BMP2K: variants seen among roughly 807,000 people sequenced by gnomAD.
BMP2K encodes BMP-2-inducible protein kinase.
In BMP2K, 74 loss-of-function variants were observed where a neutral mutation model predicts 116.0. That is an observed-to-expected ratio of 0.64 (90% confidence interval 0.53 to 0.77). The LOEUF is 0.77. Ranked by LOEUF, BMP2K falls within the 30% of genes least tolerant of loss-of-function variation. BMP2K has a pLI of 0.00. For synonymous variants in BMP2K, 486 were observed against 502.5 expected (o/e 0.97, Z 0.44); for missense variants, 1,365 against 1,403.6 (o/e 0.97, Z 0.44).
chr4:78,900,794 A>T (rs1733956201), intron 15 of BMP2K, among the ~76,000 whole-genome samples: 2 of 152,238 alleles, frequency 1.3e-5, no homozygotes, highest in Admixed American at 1.3e-4. Flanking sequence ...AGTTAAATTT[A>T]TAATGATCCA....
In BMP2K at chr4:78,911,542, G is replaced by T; in HGVS notation, c.2995G>T (p.Gly999Cys). Reference sequence around the variant, plus strand: ...CAAAAGTAATGGGAAGCGGCATCATGGCACGCCAACTAGCACAAAGAAGAC... The same window carrying T: ...CAAAAGTAATGGGAAGCGGCATCATTGCACGCCAACTAGCACAAAGAAGAC... ...MSKSNGKRHH[G>C]TPTSTKKTLK... The change falls in exon 16 of 16, where the codon GGC becomes TGC. Residue 999 changes from glycine to cysteine, a missense_variant. By Grantham distance (159) the Gly-to-Cys change is radical. Transcript: ENST00000502613. 6.2e-7 allele frequency: 1 copy of T among 1,614,032 alleles called. No homozygotes were observed. The highest frequency in any genetic ancestry group is 8.5e-7 in the Non-Finnish European group (1 of 1,179,892).
In BMP2K at chr4:78,914,717, C is replaced by G. The variant is rs1734896462; in HGVS notation, c.*2684C>G. ...AGGTTATTATATATGTACCACTAAG[C>G]AAATATATATATATATATATATTTG... On this transcript the variant is annotated 3_prime_UTR_variant, in exon 16 of 16. Transcript: ENST00000502613. 6.8e-6 allele frequency: 1 copy of G among 148,078 alleles called. No homozygotes were observed. Among genetic ancestry groups the G allele is most frequent in the Non-Finnish European group, 1.5e-5 (1 of 67,114 alleles). 9.2% of individuals were successfully genotyped at this position (148,078 alleles called of 1,614,324 possible).
intron 1 of BMP2K, among the ~76,000 whole-genome samples, chr4:78,779,523 T>G (rs1366836240): frequency 3.3e-5 from 5 of 152,226 alleles, no homozygotes; most frequent in Non-Finnish European, 7.3e-5. Flanking sequence ...AAGCTGAAAC[T>G]AGAATGTGCA....
chr4:78,871,006 GCAGCAC>G lies in BMP2K; in HGVS notation c.1458_1463del (p.Gln486_His487del). The G allele has an allele frequency of 6.4e-7, 1 of 1,573,468 alleles. No individual in the cohort carries two copies. ...AACAGCAGCAGCAGCAGCAGCAGCA[GCAGCAC>G]CACCACCACCACCACCACCACCTAC... On this transcript the variant is annotated inframe_deletion, in exon 11 of 16. Coordinates refer to ENST00000502613, the MANE Select transcript of BMP2K (RefSeq NM_198892.2).
At chr4:78,783,312 T>C (rs1727594307) in intron 1 of BMP2K, among the ~76,000 whole-genome samples, 1 of 152,188 alleles carries the variant, frequency 6.6e-6, no homozygotes, top group Non-Finnish European at 1.5e-5. Flanking sequence ...TATTAACAAA[T>C]GGTTCTTTTT....
At position 78,865,619 on chromosome 4, in the gene BMP2K, A is replaced by C. The variant is rs774543518; in HGVS notation, c.1130A>C (p.Asn377Thr). 6.2e-7 allele frequency: 1 copy of C among 1,614,128 alleles called. No homozygotes were observed. The highest frequency in any genetic ancestry group is 1.7e-5 in the Admixed American group (1 of 60,018). The change falls in exon 10 of 16, where the codon AAC becomes ACC. Residue 377 changes from asparagine to threonine, a missense_variant. Physicochemically the swap from Asn to Thr is moderately conservative, Grantham distance 65. Coordinates refer to ENST00000502613, the MANE Select transcript of BMP2K (RefSeq NM_198892.2). ...SIAPRQRPKANSATTATPSVL... is the reference protein window; with the variant it reads ...SIAPRQRPKATSATTATPSVL... ...GCACCAAGACAAAGACCAAAGGCCA[A>C]CTCTGCTACTACTGCCACTCCCAGT...
intron 15 of BMP2K, among the ~76,000 whole-genome samples, chr4:78,909,271 C>T (rs1734450085): frequency 6.6e-6 from 1 of 151,848 alleles, no homozygotes; most frequent in Non-Finnish European, 1.5e-5. Flanking sequence ...CTCCTGACCT[C>T]GTGATCCACC....
At chr4:78,830,016 A>G (rs1730132415) in intron 2 of BMP2K, among the ~76,000 whole-genome samples, 1 of 151,928 alleles carries the variant, frequency 6.6e-6, no homozygotes, top group Admixed American at 6.6e-5. Flanking sequence ...CTGGGACTAT[A>G]GGCAGGTGCC....
At chr4:78,883,077 C>G (rs1299805976) in intron 14 of BMP2K, among the ~76,000 whole-genome samples, 2 of 152,110 alleles carry the variant, frequency 1.3e-5, no homozygotes, top group East Asian at 3.9e-4. Context: ...TACTTTGATT[C>G]TAGGATTTTA....
intron 1 of BMP2K, among the ~76,000 whole-genome samples, chr4:78,779,355 G>T (rs1727394541): frequency 6.6e-6 from 1 of 152,146 alleles, no homozygotes; most frequent in Non-Finnish European, 1.5e-5. Flanking sequence ...TCTCACACTT[G>T]TATTTTCTCT....
intron 1 of BMP2K, among the ~76,000 whole-genome samples, chr4:78,806,680 T>C (rs1476806775): frequency 6.6e-6 from 1 of 152,176 alleles, no homozygotes. Context: ...AAGACATCCT[T>C]GTTCCTGATC....
intron 1 of BMP2K, among the ~76,000 whole-genome samples, chr4:78,789,666 A>T (rs1227199148): frequency 6.6e-6 from 1 of 152,222 alleles, no homozygotes; most frequent in African/African-American, 2.4e-5. Flanking sequence ...TTGAGCTAAG[A>T]TGTCACGATT....
intron 12 of BMP2K, chr4:78,872,208 C>A (rs1732391778): frequency 3.1e-6 from 1 of 319,188 alleles, no homozygotes; most frequent in Non-Finnish European, 5.7e-6. Flanking sequence ...TACCTATAGT[C>A]TTTCGTCACA....
At chr4:78,850,878 T>A in intron 6 of BMP2K, 46 bp from the exon 7 acceptor site, 1 of 1,592,672 alleles carries the variant, frequency 6.3e-7, no homozygotes, top group Non-Finnish European at 8.5e-7. Context: ...TTTTTGTGTC[T>A]TGTTAACTTG....
Position 78,830,743 on chromosome 4 carries a change from A to G in BMP2K, c.298-2839A>G, listed in dbSNP as rs10011360. 2.9e-3 allele frequency among the ~76,000 whole-genome samples: 443 copies of G among 152,350 alleles called. 4 individuals carry two copies. The highest frequency in any genetic ancestry group is 0.011 in the South Asian group (55 of 4,832). On this transcript the variant is annotated intron_variant, in intron 2 of 15. Transcript: ENST00000502613. ...AACCAACCTCTGCTAGCTTCAAACT[A>G]TTCTACTGCAGCTTTCCTCACTTCT... is the stretch of plus-strand genomic sequence containing the variant.
intron 3 of BMP2K, among the ~76,000 whole-genome samples, chr4:78,840,544 C>T (rs28551149): frequency 0.019 from 2,890 of 152,046 alleles, 84 homozygotes; most frequent in African/African-American, 0.062. Flanking sequence ...TTGCAACCGA[C>T]GTTTAAAGGT....
intron 7 of BMP2K, among the ~76,000 whole-genome samples, chr4:78,858,783 G>GAATT (rs1396016171): frequency 5.7e-5 from 6 of 105,270 alleles, no homozygotes; most frequent in African/African-American, 5.2e-4. Flanking sequence ...TAACAACTTA[G>GAATT]AGTTAATGAA....
At chr4:78,822,252 T>C (rs1423377109) in intron 1 of BMP2K, among the ~76,000 whole-genome samples, 1 of 152,220 alleles carries the variant, frequency 6.6e-6, no homozygotes, top group African/African-American at 2.4e-5. Context: ...TTTAATCTGG[T>C]TACCTTTTTT....
At chr4:78,855,365 G>GA (rs1329423118) in intron 7 of BMP2K, among the ~76,000 whole-genome samples, 2 of 152,112 alleles carry the variant, frequency 1.3e-5, no homozygotes, top group Admixed American at 1.3e-4. Context: ...TTTATGGAGG[G>GA]AAAACCAAAC....
Sources: gnomAD v4.1 joint callset for allele counts (sites outside exome capture counted in the v4.1 genomes callset) on GRCh38, gnomAD v4.1.1 for gene constraint, MANE v1.5 for transcripts, NCBI Gene and HGNC (gene_info 2026-07-23, HGNC 2026-07-21) for gene names.